The following AFG2A variants were observed in gnomAD, a reference collection of about 807,000 sequenced individuals.
AFG2A encodes AAA ATPase AFG2A.
chr4:123,242,714 G>T, the AFG2A span, among the ~76,000 whole-genome samples: 1 of 152,190 alleles, frequency 6.6e-6, no homozygotes. Flanking sequence ...CTGAAACACC[G>T]AAAGAAATGG....
chr4:122,927,404 T>C, the AFG2A span, among the ~76,000 whole-genome samples: 1 of 152,320 alleles, frequency 6.6e-6, no homozygotes, highest in East Asian at 1.9e-4. Context: ...ACTCACCCCA[T>C]AAAACATCTT....
the AFG2A span, among the ~76,000 whole-genome samples, chr4:123,038,312 T>C: frequency 3.9e-5 from 6 of 152,092 alleles, no homozygotes; most frequent in South Asian, 1.0e-3. Flanking sequence ...AGTAAGCATA[T>C]AGAAAGATTC....
the AFG2A span, among the ~76,000 whole-genome samples, chr4:123,134,970 G>T: frequency 6.6e-6 from 1 of 151,930 alleles, no homozygotes; most frequent in African/African-American, 2.4e-5. Flanking sequence ...AAAACTATAG[G>T]CCAGTATTCC....
At chr4:123,025,588 G>T in the AFG2A span, among the ~76,000 whole-genome samples, 2 of 151,810 alleles carry the variant, frequency 1.3e-5, no homozygotes, top group East Asian at 1.9e-4. Flanking sequence ...AGTTGTATGG[G>T]TTTTTTTGTT....
At chr4:123,013,991 TTTTGGGTCA>T in the AFG2A span, among the ~76,000 whole-genome samples, 1 of 152,164 alleles carries the variant, frequency 6.6e-6, no homozygotes, top group Non-Finnish European at 1.5e-5. Context: ...TTTCTTCTAG[TTTTGGGTCA>T]TTTGGTTATG....
the AFG2A span, among the ~76,000 whole-genome samples, chr4:123,303,399 C>T: frequency 6.6e-6 from 1 of 152,132 alleles, no homozygotes; most frequent in South Asian, 2.1e-4. Flanking sequence ...AAAAACTAGG[C>T]TTCACCATGC....
At chr4:123,115,058 C>T in the AFG2A span, among the ~76,000 whole-genome samples, 1 of 152,208 alleles carries the variant, frequency 6.6e-6, no homozygotes, top group Non-Finnish European at 1.5e-5. Context: ...ACTGTTGCCA[C>T]TGCTGCTCTC....
chr4:123,274,108 T>A, the AFG2A span, among the ~76,000 whole-genome samples: 1 of 152,160 alleles, frequency 6.6e-6, no homozygotes, highest in Non-Finnish European at 1.5e-5. Context: ...TATAGTGTAT[T>A]AGTTATAACT....
At chr4:123,025,606 C>T in the AFG2A span, among the ~76,000 whole-genome samples, 1 of 151,820 alleles carries the variant, frequency 6.6e-6, no homozygotes, top group Non-Finnish European at 1.5e-5. Flanking sequence ...GTTATCTTCA[C>T]TTTACTGCAT....
At chr4:122,998,468 C>A in the AFG2A span, among the ~76,000 whole-genome samples, 7 of 151,408 alleles carry the variant, frequency 4.6e-5, no homozygotes, top group Admixed American at 1.3e-4. Flanking sequence ...CCACTCCCCC[C>A]ACCCCACAAC....
the AFG2A span, among the ~76,000 whole-genome samples, chr4:123,147,338 A>G: frequency 6.6e-6 from 1 of 152,194 alleles, no homozygotes; most frequent in East Asian, 1.9e-4. Flanking sequence ...TGAAGCATCA[A>G]ACAAGTGGGC....
the AFG2A span, among the ~76,000 whole-genome samples, chr4:123,192,374 A>G: frequency 6.6e-6 from 1 of 152,164 alleles, no homozygotes; most frequent in South Asian, 2.1e-4. Flanking sequence ...TTTTATATTT[A>G]GGTCCTTATC....
At chr4:123,251,914 G>C in the AFG2A span, among the ~76,000 whole-genome samples, 49 of 152,144 alleles carry the variant, frequency 3.2e-4, no homozygotes, top group Middle Eastern at 3.5e-3. Flanking sequence ...AGGATTGATT[G>C]ATATATATTT....
chr4:123,115,614 C>A, the AFG2A span, among the ~76,000 whole-genome samples: 2 of 152,142 alleles, frequency 1.3e-5, no homozygotes, highest in African/African-American at 4.8e-5. Flanking sequence ...AGCCCGGCCC[C>A]ACCTGAGTGG....
the AFG2A span, among the ~76,000 whole-genome samples, chr4:122,951,527 C>T: frequency 5.4e-3 from 826 of 152,050 alleles, 7 homozygotes; most frequent in African/African-American, 0.018. Context: ...ATTGATATAT[C>T]GTGCTGTGGA....
At chr4:123,190,344 A>G in the AFG2A span, among the ~76,000 whole-genome samples, 1 of 152,212 alleles carries the variant, frequency 6.6e-6, no homozygotes, top group Non-Finnish European at 1.5e-5. Flanking sequence ...CATATGTGTC[A>G]CATTTTGTTT....
chr4:123,234,287 A>G, the AFG2A span, among the ~76,000 whole-genome samples: 2 of 152,212 alleles, frequency 1.3e-5, no homozygotes, highest in African/African-American at 2.4e-5. Flanking sequence ...TCTATCCTTA[A>G]TGCTTACTAC....
At chr4:123,279,674 A>G in the AFG2A span, among the ~76,000 whole-genome samples, 814 of 152,342 alleles carry the variant, frequency 5.3e-3, 7 homozygotes, top group African/African-American at 0.018. Context: ...ATCATGAACC[A>G]AAGATTATAA....
At chr4:123,273,330 A>T in the AFG2A span, among the ~76,000 whole-genome samples, 18 of 152,154 alleles carry the variant, frequency 1.2e-4, no homozygotes, top group Admixed American at 1.0e-3. Context: ...CAGTGTAAAC[A>T]TACTGAGTTT....
Sources: gnomAD v4.1 joint callset for allele counts (sites outside exome capture counted in the v4.1 genomes callset) on GRCh38, gnomAD v4.1.1 for gene constraint, MANE v1.5 for transcripts, NCBI Gene and HGNC (gene_info 2026-07-23, HGNC 2026-07-21) for gene names.